Variants in NTM observed in about 807,000 individuals in gnomAD.
NTM encodes neurotrimin.
NTM carries 13 observed loss-of-function variants against 42.1 expected under a neutral mutation model. The observed-to-expected ratio is 0.31, with a 90% CI of 0.20 to 0.49. The LOEUF (loss-of-function observed/expected upper bound fraction) is 0.49, where lower values mean the gene tolerates loss of function less well. NTM is among the 20% of genes least tolerant of loss of function. The pLI, the probability that NTM is intolerant of heterozygous loss-of-function variation, is 0.99. For missense variants in NTM, 373 were observed against 452.8 expected, an observed-to-expected ratio of 0.82 and a Z score of 1.60; for synonymous variants, 187 against 179.2, an observed-to-expected ratio of 1.04 and a Z score of -0.35.
At chr11:131,826,480 G>C (rs907184344) in intron 1 of NTM, among the ~76,000 whole-genome samples, 1 of 151,880 alleles carries the variant, frequency 6.6e-6, no homozygotes, top group African/African-American at 2.4e-5. Context: ...AGAGAACACA[G>C]AGCCAAGGTT....
At position 131,888,871 on chromosome 11, in the gene NTM, G is replaced by A. The variant is rs144500168; in HGVS notation, c.83-22693G>A. Among the ~76,000 whole-genome samples, 825 of 151,966 alleles carry A rather than the reference G, an allele frequency of 5.4e-3. 13 individuals are homozygous for A. Among genetic ancestry groups the A allele is most frequent in the Non-Finnish European group, 5.1e-3 (348 of 67,980 alleles). On this transcript the variant is annotated intron_variant, in intron 1 of 8. Coordinates refer to ENST00000683400, the MANE Select transcript of NTM (RefSeq NM_001352005.2). ...TGCATTTAAAGAGGAGCCTGGTCTC[G>A]GCATCGGCGACATAGAATCTAGCTT...
intron 4 of NTM, among the ~76,000 whole-genome samples, chr11:132,264,583 A>G (rs1229010566): frequency 6.6e-6 from 1 of 152,152 alleles, no homozygotes; most frequent in Non-Finnish European, 1.5e-5. Context: ...GCTTGCATTT[A>G]TACATACACT....
chr11:131,423,848 T>C (rs1433684381), intron 1 of NTM, among the ~76,000 whole-genome samples: 3 of 152,184 alleles, frequency 2.0e-5, no homozygotes, highest in Non-Finnish European at 2.9e-5. Flanking sequence ...GGAAGGGAAC[T>C]GTAGACAGCA....
At chr11:131,578,956 G>T (rs767977934) in intron 1 of NTM, among the ~76,000 whole-genome samples, 1 of 152,178 alleles carries the variant, frequency 6.6e-6, no homozygotes. Context: ...AAGACAGAAA[G>T]CCAGGAATCA....
intron 1 of NTM, among the ~76,000 whole-genome samples, chr11:131,415,172 G>A (rs1374471955): frequency 6.6e-6 from 1 of 152,228 alleles, no homozygotes; most frequent in East Asian, 1.9e-4. Flanking sequence ...GATCCTAGGT[G>A]TGATTTTCTA....
intron 1 of NTM, among the ~76,000 whole-genome samples, chr11:131,401,805 T>C (rs1464425791): frequency 7.6e-4 from 4 of 5,234 alleles, no homozygotes; most frequent in Non-Finnish European, 1.4e-3. Flanking sequence ...TGGAAATATA[T>C]ATATATATAT....
At chr11:131,848,066 T>C (rs997839792) in intron 1 of NTM, among the ~76,000 whole-genome samples, 14 of 152,252 alleles carry the variant, frequency 9.2e-5, no homozygotes, top group African/African-American at 3.1e-4. Context: ...TTTATTCTTT[T>C]ATAATGACGT....
chr11:132,071,891 G>A (rs535807352), intron 2 of NTM, among the ~76,000 whole-genome samples: 100 of 152,192 alleles, frequency 6.6e-4, no homozygotes, highest in African/African-American at 1.7e-3. Context: ...AGTCCTTGAC[G>A]GTGGATCTAA....
chr11:131,608,606 C>T (rs2061202093), intron 1 of NTM, among the ~76,000 whole-genome samples: 1 of 152,220 alleles, frequency 6.6e-6, no homozygotes, highest in African/African-American at 2.4e-5. Context: ...AGCCACGGCC[C>T]TCGATTCTAG....
intron 1 of NTM, among the ~76,000 whole-genome samples, chr11:131,469,515 T>A (rs1173176483): frequency 6.6e-6 from 1 of 152,224 alleles, no homozygotes; most frequent in Non-Finnish European, 1.5e-5. Context: ...GATAGACAGA[T>A]AACTGACTGC....
At chr11:131,900,826 A>G (rs2053050728) in intron 1 of NTM, among the ~76,000 whole-genome samples, 1 of 152,236 alleles carries the variant, frequency 6.6e-6, no homozygotes, top group African/African-American at 2.4e-5. Context: ...TTTTTATGGA[A>G]CAATTTTGAG....
chr11:131,642,655 G>T (rs1159360734), intron 1 of NTM, among the ~76,000 whole-genome samples: 2 of 152,136 alleles, frequency 1.3e-5, no homozygotes, highest in Non-Finnish European at 2.9e-5. Flanking sequence ...GGAAGGAAAA[G>T]AAATGGAGTT....
chr11:131,834,625 C>CATATATATATATATATATATCTATAT (rs10604283), intron 1 of NTM, among the ~76,000 whole-genome samples: 1 of 133,986 alleles, frequency 7.5e-6, no homozygotes, highest in Admixed American at 8.0e-5. Context: ...TATACATATA[C>CATATATATATATATATATATCTATAT]ATATATATAT....
At position 132,003,122 on chromosome 11, in the gene NTM, A is replaced by G. The variant is rs144652628; in HGVS notation, c.167+91474A>G. ...TTGACTTTTATAGTCAATTCTGCTT[A>G]TATTTCCTCCTTCACCCTAATGCTA... On this transcript the variant is annotated intron_variant, in intron 2 of 8. Transcript: ENST00000683400. The surrounding 1 kb of genome is among the most constrained non-coding windows in gnomAD (Gnocchi z 6.0). 6.6e-6 allele frequency among the ~76,000 whole-genome samples: 1 copy of G among 152,084 alleles called. No homozygotes were observed. Among genetic ancestry groups the G allele is most frequent in the African/African-American group, 2.4e-5 (1 of 41,398 alleles).
chr11:132,123,519 A>C (rs1286495662), intron 2 of NTM, among the ~76,000 whole-genome samples: 1 of 152,210 alleles, frequency 6.6e-6, no homozygotes, highest in Non-Finnish European at 1.5e-5. Context: ...CCAAGCTTTG[A>C]GTACCAGGAA....
intron 1 of NTM, among the ~76,000 whole-genome samples, chr11:131,898,296 G>A (rs1173596831): frequency 6.6e-6 from 1 of 152,170 alleles, no homozygotes; most frequent in Non-Finnish European, 1.5e-5. Flanking sequence ...GTCTGCCTGT[G>A]GGGAAGTATG....
chr11:131,850,323 G>A (rs192045651), intron 1 of NTM, among the ~76,000 whole-genome samples: 129 of 152,204 alleles, frequency 8.5e-4, no homozygotes, highest in Non-Finnish European at 1.3e-3. Context: ...TTAGCCCATT[G>A]TAACCAGGAG....
intron 4 of NTM, among the ~76,000 whole-genome samples, chr11:132,245,223 C>T (rs1377820406): frequency 1.3e-5 from 2 of 152,060 alleles, no homozygotes; most frequent in South Asian, 2.1e-4. Context: ...TTCTTGTGGC[C>T]GCCTCCTGGA....
At chr11:131,755,834 C>A (rs535071467) in intron 1 of NTM, among the ~76,000 whole-genome samples, 1 of 152,316 alleles carries the variant, frequency 6.6e-6, no homozygotes, top group East Asian at 1.9e-4. Flanking sequence ...GAAGCTTTGG[C>A]CAAATTGCTT....
Sources: gnomAD v4.1 joint callset for allele counts (sites outside exome capture counted in the v4.1 genomes callset) on GRCh38, gnomAD v4.1.1 for gene constraint, Gnocchi (gnomAD v3.1) non-coding constraint, MANE v1.5 for transcripts, NCBI Gene and HGNC (gene_info 2026-07-23, HGNC 2026-07-21) for gene names.